Variants in SPATA16 observed in about 807,000 individuals in gnomAD.
The protein encoded by SPATA16 is spermatogenesis-associated protein 16.
SPATA16 carries 36 observed loss-of-function variants against 63.3 expected under a neutral mutation model. The observed-to-expected ratio is 0.57, with a 90% CI of 0.44 to 0.75. The LOEUF is 0.75. Among genes scored for constraint, SPATA16 ranks in the 30% least tolerant of loss-of-function variants. The pLI, the probability that SPATA16 is intolerant of heterozygous loss-of-function variation, is 0.00. For synonymous variants in SPATA16, 203 were observed against 216.7 expected (o/e 0.94, Z 0.56); for missense variants, 646 against 679.3 (o/e 0.95, Z 0.54).
chr3:173,124,076 A>G (rs767439211), intron 1 of SPATA16, among the ~76,000 whole-genome samples: 1 of 152,214 alleles, frequency 6.6e-6, no homozygotes, highest in Middle Eastern at 3.2e-3. Context: ...GCTGATCACT[A>G]AGCCACCAAA....
intron 4 of SPATA16, among the ~76,000 whole-genome samples, chr3:173,009,834 T>G (rs563301740): frequency 7.2e-5 from 11 of 152,368 alleles, no homozygotes; most frequent in African/African-American, 2.6e-4. Context: ...GAAAGTGCAC[T>G]TCACAGGGCA....
In SPATA16 at chr3:172,916,370, C is replaced by G; in HGVS notation, c.1450G>C (p.Glu484Gln). ...TGTAGGTAGGGAATGGTTGCTAGCT[C>G]TGCCATTGCTTGATTAATCACCTGG... is the stretch of plus-strand genomic sequence containing the variant. ...QSQVINQAMA[E>Q]LATIPYLQDI... Residue 484 changes from glutamate (E) to glutamine (Q), a missense_variant, in exon 9 of 11, where the codon GAG becomes CAG. Physicochemically the swap from Glu to Gln is conservative, Grantham distance 29 (BLOSUM62 2). Coordinates refer to ENST00000351008, the MANE Select transcript of SPATA16 (RefSeq NM_031955.6). The G allele has an allele frequency of 6.2e-7, 1 of 1,613,790 alleles. No individual in the cohort carries two copies. The highest frequency in any genetic ancestry group is 1.7e-5 in the Admixed American group (1 of 60,004).
chr3:173,078,047 ATTAT>A (rs1297227809), intron 2 of SPATA16, among the ~76,000 whole-genome samples: 2 of 152,208 alleles, frequency 1.3e-5, no homozygotes, highest in Non-Finnish European at 2.9e-5. Flanking sequence ...GACAATAGCA[ATTAT>A]TTATTATTTA....
At chr3:173,092,005 A>G (rs951090068) in intron 2 of SPATA16, among the ~76,000 whole-genome samples, 9 of 152,274 alleles carry the variant, frequency 5.9e-5, no homozygotes, top group Admixed American at 3.3e-4. Flanking sequence ...ACTGCCCACT[A>G]TAAAAGATCT....
intron 1 of SPATA16, among the ~76,000 whole-genome samples, chr3:173,132,499 G>T (rs1266031205): frequency 1.3e-5 from 2 of 152,092 alleles, no homozygotes; most frequent in Non-Finnish European, 2.9e-5. Flanking sequence ...GACTGCATAA[G>T]ACAATAATAG....
At chr3:172,994,672 A>G (rs749001105) in intron 4 of SPATA16, among the ~76,000 whole-genome samples, 16 of 152,110 alleles carry the variant, frequency 1.1e-4, no homozygotes, top group South Asian at 2.1e-4. Context: ...CATTTAAGGT[A>G]ATTAATCTGG....
At chr3:172,934,491 C>T (rs1442206287) in intron 6 of SPATA16, among the ~76,000 whole-genome samples, 2 of 152,092 alleles carry the variant, frequency 1.3e-5, no homozygotes, top group African/African-American at 4.8e-5. Context: ...ATGTCATTCA[C>T]AATGTTCTTA....
intron 2 of SPATA16, among the ~76,000 whole-genome samples, chr3:173,081,150 A>G (rs940528191): frequency 6.6e-6 from 1 of 152,248 alleles, no homozygotes; most frequent in African/African-American, 2.4e-5. Flanking sequence ...TGTGAGAGAA[A>G]GAAGCTGAAA....
At chr3:173,015,758 C>T (rs1372888429) in intron 4 of SPATA16, among the ~76,000 whole-genome samples, 2 of 152,090 alleles carry the variant, frequency 1.3e-5, no homozygotes, top group African/African-American at 4.8e-5. Flanking sequence ...ACCATGATAC[C>T]TGTATTGTCA....
At position 172,956,784 on chromosome 3, in the gene SPATA16, G is replaced by A. The variant is rs564378486; in HGVS notation, c.974C>T (p.Ser325Leu). 11 of 1,613,056 alleles carry A rather than the reference G, an allele frequency of 6.8e-6. No homozygotes were observed. Among genetic ancestry groups the A allele is most frequent in the South Asian group, 1.1e-5 (1 of 91,058 alleles). ...EEAITRAESFSVMYTPFATKI... is the reference protein window; with the variant it reads ...EEAITRAESFLVMYTPFATKI... Reference sequence around the variant, plus strand: ...TGTCGCAAATGGTGTGTACATAACCGAGAAAGATTCAGCTCTGGTGATGGC... The same window carrying A: ...TGTCGCAAATGGTGTGTACATAACCAAGAAAGATTCAGCTCTGGTGATGGC... The change falls in exon 6 of 11, where the codon TCG (serine) becomes TTG (leucine). Residue 325 changes from serine to leucine, a missense_variant. Physicochemically the swap from Ser to Leu is moderately radical, Grantham distance 145. Transcript: ENST00000351008.
chr3:173,087,653 G>A (rs1462450289), intron 2 of SPATA16, among the ~76,000 whole-genome samples: 1 of 152,112 alleles, frequency 6.6e-6, no homozygotes, highest in Non-Finnish European at 1.5e-5. Flanking sequence ...TTTTGTAGTG[G>A]CTGGTACTGG....
intron 2 of SPATA16, among the ~76,000 whole-genome samples, chr3:173,105,456 A>G (rs944585252): frequency 6.6e-6 from 1 of 152,218 alleles, no homozygotes; most frequent in Non-Finnish European, 1.5e-5. Flanking sequence ...CCTCGAGTCC[A>G]TGAGGAGTAA....
chr3:172,988,231 A>G (rs1734498829), intron 4 of SPATA16, among the ~76,000 whole-genome samples: 1 of 152,226 alleles, frequency 6.6e-6, no homozygotes, highest in African/African-American at 2.4e-5. Flanking sequence ...GTTTTAAACC[A>G]AAGTTTACTG....
chr3:173,067,487 G>T (rs561596741), intron 2 of SPATA16, among the ~76,000 whole-genome samples: 2 of 152,186 alleles, frequency 1.3e-5, no homozygotes, highest in African/African-American at 4.8e-5. Flanking sequence ...ACTACCTGTT[G>T]TGCACTATTC....
chr3:172,992,688 T>C (rs1734606658), intron 4 of SPATA16, among the ~76,000 whole-genome samples: 1 of 152,158 alleles, frequency 6.6e-6, no homozygotes, highest in South Asian at 2.1e-4. Flanking sequence ...AATGTACTTC[T>C]GAGCAGCTAC....
intron 6 of SPATA16, among the ~76,000 whole-genome samples, chr3:172,928,774 T>C (rs779241606): frequency 5.9e-5 from 9 of 152,220 alleles, no homozygotes; most frequent in Non-Finnish European, 7.3e-5. Context: ...TTTGACCCAT[T>C]ATTAACTTCC....
intron 5 of SPATA16, among the ~76,000 whole-genome samples, chr3:172,961,068 T>TCC (rs1397487835): frequency 0.045 from 3,006 of 67,208 alleles, 202 homozygotes; most frequent in East Asian, 0.14. Context: ...TCTTTCTTCT[T>TCC]TCTTCCTTCC....
intron 10 of SPATA16, among the ~76,000 whole-genome samples, chr3:172,899,999 T>C (rs1478845750): frequency 1.3e-5 from 2 of 152,180 alleles, no homozygotes; most frequent in Non-Finnish European, 2.9e-5. Context: ...GAAAAGTGTA[T>C]TATTTTTAGT....
Position 173,048,940 on chromosome 3 carries a change from T to G in SPATA16, c.758+9A>C, listed in dbSNP as rs752741710. On this transcript the variant is annotated intron_variant, in intron 3 of 10. Coordinates refer to ENST00000351008, the MANE Select transcript of SPATA16 (RefSeq NM_031955.6). ...GCATTTACTTGCACTTATTAGTATA[T>G]GATTTTACCTGTGTGCATGATTCAG... 6.2e-7 allele frequency: 1 copy of G among 1,613,578 alleles called. No individual in the cohort carries two copies. The highest frequency in any genetic ancestry group is 1.7e-5 in the Admixed American group (1 of 60,000).
Sources: gnomAD v4.1 joint callset for allele counts (sites outside exome capture counted in the v4.1 genomes callset) on GRCh38, gnomAD v4.1.1 for gene constraint, MANE v1.5 for transcripts, NCBI Gene and HGNC (gene_info 2026-07-23, HGNC 2026-07-21) for gene names.